The following C1QTNF2 variants were observed in gnomAD, a reference collection of about 807,000 sequenced individuals.
C1QTNF2 encodes complement C1q tumor necrosis factor-related protein 2.
In C1QTNF2, 15 loss-of-function variants were observed where a neutral mutation model predicts 17.4. The observed-to-expected ratio is 0.86, with a 90% CI of 0.58 to 1.33. C1QTNF2 has a LOEUF of 1.33. C1QTNF2 is among the 40% of genes most tolerant of loss of function. The pLI is 0.00. For synonymous variants in C1QTNF2, 154 were observed against 163.3 expected (o/e 0.94, Z 0.44); for missense variants, 381 against 392.3 (o/e 0.97, Z 0.24).
chr5:160,351,952 G>A (rs1433120038), intron 2 of C1QTNF2, among the ~76,000 whole-genome samples: 2 of 148,512 alleles, frequency 1.3e-5, no homozygotes, highest in Admixed American at 6.8e-5. Flanking sequence ...ACGCTGTTAC[G>A]CAGGCTGGAG....
chr5:160,350,532 T>C (rs1321743850), intron 2 of C1QTNF2, among the ~76,000 whole-genome samples: 1 of 151,916 alleles, frequency 6.6e-6, no homozygotes, highest in Non-Finnish European at 1.5e-5. Context: ...AGCCAGACAG[T>C]CTCTACAAAA....
intron 1 of C1QTNF2, among the ~76,000 whole-genome samples, chr5:160,359,738 T>C (rs1274437981): frequency 6.6e-6 from 1 of 152,178 alleles, no homozygotes; most frequent in African/African-American, 2.4e-5. Context: ...GTCCCCACCA[T>C]AAGCCCCTCT....
intron 1 of C1QTNF2, among the ~76,000 whole-genome samples, chr5:160,361,314 G>T (rs1764150198): frequency 6.6e-6 from 1 of 152,222 alleles, no homozygotes; most frequent in South Asian, 2.1e-4. Flanking sequence ...TGTGATGTGA[G>T]AGGTGCCAAA....
chr5:160,348,180 C>T lies in C1QTNF2; in HGVS notation c.*988G>A, dbSNP rs1174159821. On this transcript the variant is annotated 3_prime_UTR_variant, in exon 3 of 3. Coordinates refer to ENST00000652664, the MANE Select transcript of C1QTNF2 (RefSeq NM_031908.6). ...CCTGCCATCTCAGAGCAGCGGTTCT[C>T]AGATGCACGTGCATATCCTGGTGTA... 1 of 152,236 alleles carries T rather than the reference C, an allele frequency of 6.6e-6. No individual in the cohort carries two copies. Among genetic ancestry groups the T allele is most frequent in the African/African-American group, 2.4e-5 (1 of 41,452 alleles). The allele number at this position is 152,236 out of a possible 1,614,324, so 9.4% of individuals were successfully genotyped here.
intron 1 of C1QTNF2, among the ~76,000 whole-genome samples, chr5:160,368,154 G>A (rs1238183461): frequency 2.6e-5 from 4 of 152,190 alleles, no homozygotes; most frequent in Non-Finnish European, 5.9e-5. Context: ...TGTGTTATAG[G>A]AGTAAGCCAC....
In C1QTNF2 at chr5:160,348,966, T is replaced by G. The variant is rs1414619554; in HGVS notation, c.*202A>C. The G allele has an allele frequency of 1.6e-6, 1 of 617,744 alleles. No individual in the cohort carries two copies. The highest frequency in any genetic ancestry group is 2.7e-6 in the Non-Finnish European group (1 of 367,498). The allele number at this position is 617,744 out of a possible 1,614,324, so 38.3% of individuals were successfully genotyped here. On this transcript the variant is annotated 3_prime_UTR_variant, in exon 3 of 3. Transcript: ENST00000652664. ...TAGTGCCTGTTACACAGTAGATACT[T>G]TAAAAAGAAGTGAATAAATAGATGG...
At position 160,368,518 on chromosome 5, in the gene C1QTNF2, C is replaced by T. The variant is rs1450572271; in HGVS notation, c.-10+1994G>A. Among the ~76,000 whole-genome samples the T allele has an allele frequency of 8.7e-5, 12 of 137,536 alleles. No individual in the cohort carries two copies. The East Asian group carries it at 1.0e-3, about 12-fold the overall frequency. 90.2% of individuals were successfully genotyped at this position (137,536 alleles called of 152,430 possible). ...CTGTACTCCAGCCTGGGCAACAGAG[C>T]GAGACTCCTTCTCAAAAAAAAAGAA... On this transcript the variant is annotated intron_variant, in intron 1 of 2. Coordinates refer to ENST00000652664, the MANE Select transcript of C1QTNF2 (RefSeq NM_031908.6).
At chr5:160,354,708 C>T in intron 2 of C1QTNF2, 60 bp downstream of exon 2, 1 of 1,601,016 alleles carries the variant, frequency 6.2e-7, no homozygotes, top group South Asian at 1.1e-5. Flanking sequence ...CATGATGCCC[C>T]CCACATGCCG....
intron 1 of C1QTNF2, among the ~76,000 whole-genome samples, chr5:160,367,601 G>C (rs1323781277): frequency 6.6e-6 from 1 of 152,184 alleles, no homozygotes; most frequent in East Asian, 1.9e-4. Flanking sequence ...CACAGAGAGA[G>C]GACTCAGAAG....
chr5:160,360,121 G>A (rs374579542), intron 1 of C1QTNF2, among the ~76,000 whole-genome samples: 7 of 152,170 alleles, frequency 4.6e-5, no homozygotes, highest in East Asian at 1.9e-4. Context: ...GCCAGCGCCC[G>A]CTTTCTGCAA....
At chr5:160,370,372 C>T (rs1764331069) in intron 1 of C1QTNF2, 140 bp downstream of exon 1, 3 of 1,088,616 alleles carry the variant, frequency 2.8e-6, no homozygotes, top group Non-Finnish European at 3.6e-6. Context: ...AATGCAGGAG[C>T]TGCCCAGCCC....
At chr5:160,368,331 A>G (rs1764283591) in intron 1 of C1QTNF2, among the ~76,000 whole-genome samples, 1 of 152,168 alleles carries the variant, frequency 6.6e-6, no homozygotes, top group Non-Finnish European at 1.5e-5. Flanking sequence ...CAGGAGTTTG[A>G]GACCAGCCCG....
intron 1 of C1QTNF2, among the ~76,000 whole-genome samples, chr5:160,363,883 G>A (rs369758969): frequency 6.6e-6 from 1 of 152,192 alleles, no homozygotes; most frequent in African/African-American, 2.4e-5. Flanking sequence ...TAGAGAAGGC[G>A]GCTGAGGGTG....
chr5:160,363,645 TGTG>T (rs1764194602), intron 1 of C1QTNF2, among the ~76,000 whole-genome samples: 2 of 152,134 alleles, frequency 1.3e-5, no homozygotes, highest in African/African-American at 2.4e-5. Flanking sequence ...AAATGACAAA[TGTG>T]GTGTATAACG....
At chr5:160,369,875 AGT>A (rs1426406023) in intron 1 of C1QTNF2, among the ~76,000 whole-genome samples, 8 of 152,188 alleles carry the variant, frequency 5.3e-5, no homozygotes, top group African/African-American at 1.9e-4. Flanking sequence ...TAAGACAAGT[AGT>A]TTAGGTGGGG....
In C1QTNF2 at chr5:160,349,540, C is replaced by T. The variant is rs1581030748; in HGVS notation, c.486G>A (p.Arg162=). The T allele has an allele frequency of 6.2e-7, 1 of 1,613,836 alleles. No homozygotes were observed. Among genetic ancestry groups the T allele is most frequent in the South Asian group, 1.1e-5 (1 of 91,086 alleles). ...TGTCAAACTTGATGGGCAGCCGCTCCCGTGGGTAGCTCTTGGTCACTGCCA... is the reference window on the plus strand; with the variant it reads ...TGTCAAACTTGATGGGCAGCCGCTCTCGTGGGTAGCTCTTGGTCACTGCCA... ...FSVAVTKSYP[R]ERLPIKFDKI... is the part of the protein sequence containing the mutation. Residue 162 remains arginine, a synonymous_variant, in exon 3 of 3, where the codon CGG becomes CGA. Transcript: ENST00000652664. This position sits in a 1 kb window ranked among gnomAD's most constrained non-coding sequence, Gnocchi z 4.3.
Position 160,349,291 on chromosome 5 carries a change from G to C in C1QTNF2, c.735C>G (p.Asp245Glu), listed in dbSNP as rs201096732. Residue 245 changes from aspartate (D) to glutamate (E), a missense_variant, in exon 3 of 3, where the codon GAC (aspartate) becomes GAG (glutamate). Asp to Glu is a conservative substitution (Grantham distance 45, BLOSUM62 2). Coordinates refer to ENST00000652664, the MANE Select transcript of C1QTNF2 (RefSeq NM_031908.6). The surrounding 1 kb of genome is among the most constrained non-coding windows in gnomAD (Gnocchi z 4.3). ...AGTAGAAGATCTGCAGCCAAACTTCGTCACCCTGCTTGAGAGCCAGGATGG... is the reference window on the plus strand; with the variant it reads ...AGTAGAAGATCTGCAGCCAAACTTCCTCACCCTGCTTGAGAGCCAGGATGG... Reference protein sequence around the residue: ...GSTILALKQGDEVWLQIFYSE... With the variant: ...GSTILALKQGEEVWLQIFYSE... 1 of 1,614,092 alleles carries C rather than the reference G, an allele frequency of 6.2e-7. No homozygotes were observed. Among genetic ancestry groups the C allele is most frequent in the East Asian group, 2.2e-5 (1 of 44,858 alleles).
At chr5:160,367,936 A>G (rs976771351) in intron 1 of C1QTNF2, among the ~76,000 whole-genome samples, 5 of 152,164 alleles carry the variant, frequency 3.3e-5, no homozygotes, top group Admixed American at 2.0e-4. Flanking sequence ...AAATCTCCCC[A>G]CACTTCTAAG....
chr5:160,354,789 G>T lies in C1QTNF2; in HGVS notation c.223C>A (p.Arg75=), dbSNP rs115558158. 3 of 1,613,556 alleles carry T rather than the reference G, an allele frequency of 1.9e-6. No homozygotes were observed. In the African/African-American group the frequency reaches 4.0e-5, roughly 22 times the overall value. The change falls in exon 2 of 3, where the codon CGG becomes AGG. Residue 75 remains arginine (R), a synonymous_variant. Transcript: ENST00000652664. ...KDGQDGHDGD[R]GDSGEEGPPG... ...TTACCTTCCTCTCCGCTGTCCCCCCGGTCGCCGTCGTGTCCATCTTGGCCG... is the reference window on the plus strand; with the variant it reads ...TTACCTTCCTCTCCGCTGTCCCCCCTGTCGCCGTCGTGTCCATCTTGGCCG...
Sources: gnomAD v4.1 joint callset for allele counts (sites outside exome capture counted in the v4.1 genomes callset) on GRCh38, gnomAD v4.1.1 for gene constraint, Gnocchi (gnomAD v3.1) non-coding constraint, MANE v1.5 for transcripts, NCBI Gene and HGNC (gene_info 2026-07-23, HGNC 2026-07-21) for gene names.